Variants in CSMD3 observed in about 807,000 individuals in gnomAD.
The protein encoded by CSMD3 is CUB and sushi domain-containing protein 3.
In CSMD3, 177 loss-of-function variants were observed where a neutral mutation model predicts 435.2. The observed-to-expected ratio is 0.41, with a 90% CI of 0.36 to 0.46. The LOEUF (loss-of-function observed/expected upper bound fraction) is 0.46, where lower values mean the gene tolerates loss of function less well. Ranked by LOEUF, CSMD3 falls within the 20% of genes least tolerant of loss-of-function variation. CSMD3 has a pLI of 0.34. For synonymous variants in CSMD3, 1,656 were observed against 1,520.5 expected, an observed-to-expected ratio of 1.09 and a Z score of -2.07; for missense variants, 4,265 against 4,504.6, an observed-to-expected ratio of 0.95 and a Z score of 1.52.
intron 32 of CSMD3, among the ~76,000 whole-genome samples, chr8:112,427,793 T>C (rs1813234498): frequency 6.6e-6 from 1 of 152,146 alleles, no homozygotes; most frequent in South Asian, 2.1e-4. Flanking sequence ...CTTCTAAATG[T>C]GTCTTGATTC....
At chr8:112,586,933 TG>T in intron 23 of CSMD3, 132 bp downstream of exon 23, 1 of 511,068 alleles carries the variant, frequency 2.0e-6, no homozygotes, top group Non-Finnish European at 3.4e-6. Context: ...AATTTGAATG[TG>T]TGAATGGTAG....
In CSMD3 at chr8:112,291,383, A is replaced by T. The variant is rs1284014120; in HGVS notation, c.8974+127T>A. 1.7e-5 allele frequency: 12 copies of T among 722,864 alleles called. No homozygotes were observed. The East Asian group carries it at 3.3e-4, about 20-fold the overall frequency. The allele number at this position is 722,864 out of a possible 1,614,324, so 44.8% of individuals were successfully genotyped here. ...AAATATAGAAAAGTATAATTTCAAA[A>T]CAGTAAAACAATAAAATCAATATGC... is the stretch of plus-strand genomic sequence containing the variant. On this transcript the variant is annotated intron_variant, in intron 56 of 70. Coordinates refer to ENST00000297405, the MANE Select transcript of CSMD3 (RefSeq NM_198123.2).
At chr8:112,676,291 A>G (rs1351444168) in intron 16 of CSMD3, among the ~76,000 whole-genome samples, 2 of 152,084 alleles carry the variant, frequency 1.3e-5, no homozygotes, top group African/African-American at 2.4e-5. Flanking sequence ...AAAATCACCA[A>G]TGAAATGAAT....
At chr8:112,256,349 G>A (rs965879383) in intron 61 of CSMD3, among the ~76,000 whole-genome samples, 6 of 152,114 alleles carry the variant, frequency 3.9e-5, no homozygotes, top group Non-Finnish European at 8.8e-5. Flanking sequence ...GTATGTATGT[G>A]TGGTGGTGTG....
At chr8:113,429,490 T>A (rs1359556438) in intron 1 of CSMD3, among the ~76,000 whole-genome samples, 3 of 152,042 alleles carry the variant, frequency 2.0e-5, no homozygotes, top group Non-Finnish European at 2.9e-5. Context: ...ATTTACAGAC[T>A]TGTAATGTCA....
At chr8:112,295,175 T>C (rs1243520750) in intron 54 of CSMD3, among the ~76,000 whole-genome samples, 1 of 152,124 alleles carries the variant, frequency 6.6e-6, no homozygotes, top group East Asian at 1.9e-4. Flanking sequence ...GTAATCTTGA[T>C]ATATTTAAAA....
chr8:113,342,030 C>G (rs1005172427), intron 1 of CSMD3, among the ~76,000 whole-genome samples: 1 of 151,496 alleles, frequency 6.6e-6, no homozygotes, highest in Non-Finnish European at 1.5e-5. Context: ...AAGGAAATTA[C>G]CAAACTCGTA....
At chr8:112,475,594 T>A (rs1818964892) in intron 31 of CSMD3, among the ~76,000 whole-genome samples, 1 of 152,082 alleles carries the variant, frequency 6.6e-6, no homozygotes, top group Non-Finnish European at 1.5e-5. Context: ...TTGTAATTTG[T>A]TTTACCTTAG....
chr8:113,040,020 C>T (rs938312679), intron 5 of CSMD3, among the ~76,000 whole-genome samples: 3 of 152,096 alleles, frequency 2.0e-5, no homozygotes, highest in African/African-American at 7.2e-5. Context: ...GTAGTAAGTA[C>T]ACAGCATGCC....
intron 38 of CSMD3, among the ~76,000 whole-genome samples, chr8:112,370,830 C>G (rs1828319549): frequency 6.6e-6 from 1 of 151,990 alleles, no homozygotes; most frequent in Non-Finnish European, 1.5e-5. Context: ...ATGTAAAATC[C>G]AAGGGGGCAA....
intron 24 of CSMD3, among the ~76,000 whole-genome samples, chr8:112,567,505 A>C (rs1362791168): frequency 6.6e-6 from 1 of 152,168 alleles, no homozygotes; most frequent in East Asian, 1.9e-4. Flanking sequence ...GAAAAGACAA[A>C]ATTTAAGCCT....
chr8:112,789,241 T>C (rs1179644808), intron 13 of CSMD3, among the ~76,000 whole-genome samples: 1 of 152,042 alleles, frequency 6.6e-6, no homozygotes, highest in African/African-American at 2.4e-5. Flanking sequence ...CAAAGAACAT[T>C]TGTCCCATTT....
chr8:112,224,806 C>A lies in CSMD3; in HGVS notation c.11089G>T (p.Asp3697Tyr), dbSNP rs1445645305. The A allele has an allele frequency of 1.2e-6, 2 of 1,614,012 alleles. No homozygotes were observed. Among genetic ancestry groups the A allele is most frequent in the Non-Finnish European group, 1.7e-6 (2 of 1,179,904 alleles). The change falls in exon 71 of 71, where the codon GAT becomes TAT. Residue 3697 changes from aspartate (D) to tyrosine (Y), a missense_variant. Asp to Tyr is a radical substitution (Grantham distance 160). Transcript: ENST00000297405. Reference protein sequence around the residue: ...KSVEGKAVRFDPNLNTVCTMV With the variant: ...KSVEGKAVRFYPNLNTVCTMV ...GTGCAAACCGTGTTCAAGTTGGGAT[C>A]AAATCGTACCGCCTTCCCTTCCACT...
intron 59 of CSMD3, among the ~76,000 whole-genome samples, chr8:112,267,463 A>ATC (rs1357674633): frequency 3.9e-5 from 6 of 152,162 alleles, no homozygotes; most frequent in African/African-American, 1.4e-4. Context: ...ACAATACGTC[A>ATC]TCTCTTTTTA....
At chr8:112,532,081 T>C (rs1418672536) in intron 27 of CSMD3, among the ~76,000 whole-genome samples, 1 of 150,226 alleles carries the variant, frequency 6.7e-6, no homozygotes, top group African/African-American at 2.5e-5. Context: ...ATTGATGAAC[T>C]GATGAATGCA....
Position 112,346,187 on chromosome 8 carries a change from A to G in CSMD3, c.6352T>C (p.Phe2118Leu), listed in dbSNP as rs1479273817. 1 of 1,612,606 alleles carries G rather than the reference A, an allele frequency of 6.2e-7. No individual in the cohort carries two copies. The highest frequency in any genetic ancestry group is 8.5e-7 in the Non-Finnish European group (1 of 1,178,600). Residue 2118 changes from phenylalanine (F) to leucine (L), a missense_variant, in exon 41 of 71, where the codon TTC becomes CTC. Phe to Leu is a conservative substitution (Grantham distance 22). This residue lies in a region of CSMD3 where 3,255 missense variants were observed against 3,380.2 expected (regional missense o/e 0.96). Coordinates refer to ENST00000297405, the MANE Select transcript of CSMD3 (RefSeq NM_198123.2). ...LAQCGGAMSD[F>L]SGVILSPGFP... is the part of the protein sequence containing the mutation. ...CCAGGACTGAGGATCACACCACTGA[A>G]GTCTGACATAGCACCACCACACTGA...
chr8:112,305,736 G>A (rs539374120), intron 51 of CSMD3, among the ~76,000 whole-genome samples: 1 of 152,032 alleles, frequency 6.6e-6, no homozygotes, highest in African/African-American at 2.4e-5. Context: ...GTTGACTAAA[G>A]GATGACTTTT....
intron 1 of CSMD3, among the ~76,000 whole-genome samples, chr8:113,342,038 GT>G (rs2094122677): frequency 6.6e-6 from 1 of 151,528 alleles, no homozygotes; most frequent in African/African-American, 2.4e-5. Context: ...TACCAAACTC[GT>G]AGAATAGCCA....
intron 9 of CSMD3, among the ~76,000 whole-genome samples, chr8:112,927,353 C>G (rs2082944054): frequency 6.6e-6 from 1 of 151,982 alleles, no homozygotes; most frequent in African/African-American, 2.4e-5. Flanking sequence ...TGAATTATTT[C>G]TTTCTTATTT....
Sources: gnomAD v4.1 joint callset for allele counts (sites outside exome capture counted in the v4.1 genomes callset) on GRCh38, gnomAD v4.1.1 for gene constraint, gnomAD v4.1.1 regional missense constraint, MANE v1.5 for transcripts, NCBI Gene and HGNC (gene_info 2026-07-23, HGNC 2026-07-21) for gene names.